Variants in DCP2 observed in about 807,000 individuals in gnomAD.
DCP2 encodes m7GpppN-mRNA hydrolase.
A neutral mutation model predicts 56.1 loss-of-function variants in DCP2; 30 were observed. The ratio of observed to expected loss-of-function variants is 0.53; its 90% CI spans 0.40 to 0.73. The LOEUF (loss-of-function observed/expected upper bound fraction) is 0.73, where lower values mean the gene tolerates loss of function less well. DCP2 is among the 30% of genes least tolerant of loss of function. DCP2 has a pLI of 0.00. For synonymous variants in DCP2, 197 were observed against 163.3 expected (o/e 1.21, Z -1.57); for missense variants, 533 against 502.7 (o/e 1.06, Z -0.58).
chr5:113,008,849 C>CT (rs201529934), intron 9 of DCP2, among the ~76,000 whole-genome samples: 41,813 of 147,314 alleles, frequency 0.28, 5,968 homozygotes, highest in South Asian at 0.33. Flanking sequence ...AGACAGATAA[C>CT]TTTTTTTTTT....
Position 112,987,166 on chromosome 5 carries a change from C to T in DCP2, c.205+1180C>T, listed in dbSNP as rs1009468000. ...AAATAATTGAGTAATTGCTAATGGT[C>T]CTGATAGTACATGTTTCTAGAATTT... is the stretch of plus-strand genomic sequence containing the variant. On this transcript the variant is annotated intron_variant, in intron 2 of 10. Coordinates refer to ENST00000389063, the MANE Select transcript of DCP2 (RefSeq NM_152624.6). Among the ~76,000 whole-genome samples, 5 of 151,986 alleles carry T rather than the reference C, an allele frequency of 3.3e-5. 1 individual carries two copies. Among genetic ancestry groups the T allele is most frequent in the Admixed American group, 3.3e-4 (5 of 15,264 alleles).
intron 10 of DCP2, among the ~76,000 whole-genome samples, chr5:113,011,100 G>C (rs1257560350): frequency 6.6e-6 from 1 of 152,142 alleles, no homozygotes; most frequent in Non-Finnish European, 1.5e-5. Flanking sequence ...TTTGGGGAGA[G>C]TAGAAAGAAT....
chr5:112,994,493 A>G (rs1392066623), intron 4 of DCP2, among the ~76,000 whole-genome samples: 1 of 152,078 alleles, frequency 6.6e-6, no homozygotes, highest in African/African-American at 2.4e-5. Flanking sequence ...TTAAAATTCT[A>G]TTTTAAAATC....
chr5:112,977,097 C>G, intron 1 of DCP2, 111 bp downstream of exon 1: 1 of 745,684 alleles, frequency 1.3e-6, no homozygotes, highest in Admixed American at 3.5e-5. Flanking sequence ...TCGCTTTCCG[C>G]TCCCGCCGCT....
At chr5:112,981,700 G>A (rs1403342480) in intron 1 of DCP2, among the ~76,000 whole-genome samples, 1 of 152,068 alleles carries the variant, frequency 6.6e-6, no homozygotes, top group African/African-American at 2.4e-5. Context: ...TCAAAATGAT[G>A]GTACCATTTA....
chr5:112,990,387 A>G (rs950987390), intron 2 of DCP2, among the ~76,000 whole-genome samples: 1 of 152,184 alleles, frequency 6.6e-6, no homozygotes, highest in Non-Finnish European at 1.5e-5. Flanking sequence ...ACGTGGATAC[A>G]GACAAGAGTA....
At chr5:112,984,691 A>ATATATATATATATATATAT (rs1561685051) in intron 1 of DCP2, 2 of 70,334 alleles carry the variant, frequency 2.8e-5, no homozygotes, top group African/African-American at 1.5e-4. Context: ...TTAATTAAAA[A>ATATATATATATATATATAT]AAAAAAAAAA....
At chr5:112,991,918 A>G (rs1160082378) in intron 2 of DCP2, among the ~76,000 whole-genome samples, 1 of 152,192 alleles carries the variant, frequency 6.6e-6, no homozygotes, top group African/African-American at 2.4e-5. Flanking sequence ...TAGAAAAAAC[A>G]AAAACACAGT....
intron 10 of DCP2, among the ~76,000 whole-genome samples, chr5:113,012,688 G>T (rs1749726741): frequency 6.6e-6 from 1 of 152,026 alleles, no homozygotes; most frequent in African/African-American, 2.4e-5. Context: ...GTGTCACCCA[G>T]ACTGGAGTGC....
chr5:112,992,154 G>C lies in DCP2; in HGVS notation c.239G>C (p.Gly80Ala). The C allele has an allele frequency of 6.2e-7, 1 of 1,613,956 alleles. No individual in the cohort carries two copies. The highest frequency in any genetic ancestry group is 1.1e-5 in the South Asian group (1 of 91,062). The change falls in exon 3 of 11, where the codon GGT becomes GCT. Residue 80 changes from glycine to alanine, a missense_variant. Physicochemically the swap from Gly to Ala is moderately conservative, Grantham distance 60. Around this residue, in one of 3 missense-constraint regions of DCP2, gnomAD observed 137 missense variants for 138.2 expected, o/e 0.99. Coordinates refer to ENST00000389063, the MANE Select transcript of DCP2 (RefSeq NM_152624.6). ...FSHCPFLLPQ[G>A]EDVEKVLDEW... The stretch of plus-strand genomic sequence containing the variant: ...CATTGTCCGTTTTTGCTGCCTCAAG[G>C]TGAAGATGTGGAAAAAGTTTTGGAT...
rs115425143 is a variant in DCP2, at chr5:113,003,506, G to C, written c.807-436G>C. ...TGAGAGGATGGCTCGAGCCTGAGAG[G>C]TTGAGGCCACGGTGAGCTGTGATCC... On this transcript the variant is annotated intron_variant, in intron 7 of 10. Coordinates refer to ENST00000389063, the MANE Select transcript of DCP2 (RefSeq NM_152624.6). Among the ~76,000 whole-genome samples, 1,041 of 152,206 alleles carry C rather than the reference G, an allele frequency of 6.8e-3. 9 individuals are homozygous for C. The highest frequency in any genetic ancestry group is 0.014 in the South Asian group (66 of 4,822).
At chr5:113,012,036 C>A (rs1749698485) in intron 10 of DCP2, among the ~76,000 whole-genome samples, 1 of 152,106 alleles carries the variant, frequency 6.6e-6, no homozygotes, top group Admixed American at 6.5e-5. Flanking sequence ...TTTTTTCTGG[C>A]CACCTTGGGT....
At position 113,013,496 on chromosome 5, in the gene DCP2, G is replaced by A. The variant is rs761551459; in HGVS notation, c.*12G>A. Reference sequence around the variant, plus strand: ...TCTTGGACCTTTGATAGCAGCACATGTATTGTAAATGTCCCAGGATCAGAG... The same window carrying A: ...TCTTGGACCTTTGATAGCAGCACATATATTGTAAATGTCCCAGGATCAGAG... On this transcript the variant is annotated 3_prime_UTR_variant, in exon 11 of 11. Coordinates refer to ENST00000389063, the MANE Select transcript of DCP2 (RefSeq NM_152624.6). 15 of 1,613,420 alleles carry A rather than the reference G, an allele frequency of 9.3e-6. No individual in the cohort carries two copies. The East Asian group carries it at 2.9e-4, about 31-fold the overall frequency.
At chr5:112,977,723 G>C (rs1747785324) in intron 1 of DCP2, among the ~76,000 whole-genome samples, 1 of 152,150 alleles carries the variant, frequency 6.6e-6, no homozygotes, top group African/African-American at 2.4e-5. Flanking sequence ...ATTTCAGATA[G>C]CCAAACACGT....
At chr5:112,978,683 T>TAAA (rs35646202) in intron 1 of DCP2, among the ~76,000 whole-genome samples, 1 of 136,654 alleles carries the variant, frequency 7.3e-6, no homozygotes, top group Non-Finnish European at 1.6e-5. Flanking sequence ...TTGTCCCAAA[T>TAAA]AAAAAAAAAA....
chr5:112,982,010 C>G (rs142858502), intron 1 of DCP2, among the ~76,000 whole-genome samples: 1 of 152,156 alleles, frequency 6.6e-6, no homozygotes, highest in African/African-American at 2.4e-5. Flanking sequence ...TCAGGTGATC[C>G]GCCTGCCATG....
Position 113,015,721 on chromosome 5 carries a change from C to A in DCP2, c.*2237C>A, listed in dbSNP as rs1749858797. On this transcript the variant is annotated 3_prime_UTR_variant, in exon 11 of 11. Transcript: ENST00000389063. ...ATGTGTGTGATGTGACTTAACTATGCAGAAAATATTTAAGTTGGATGTACT... is the reference window on the plus strand; with the variant it reads ...ATGTGTGTGATGTGACTTAACTATGAAGAAAATATTTAAGTTGGATGTACT... The A allele has an allele frequency of 6.6e-6, 1 of 152,592 alleles. No homozygotes were observed. Among genetic ancestry groups the A allele is most frequent in the Non-Finnish European group, 1.5e-5 (1 of 68,026 alleles). The allele number at this position is 152,592 out of a possible 1,614,324, so 9.5% of individuals were successfully genotyped here. A position where few individuals can be genotyped will look rare whatever the true frequency, so the allele number is the denominator to read the frequency against.
chr5:112,993,653 ACC>A (rs750095087), intron 4 of DCP2, among the ~76,000 whole-genome samples: 3 of 141,994 alleles, frequency 2.1e-5, no homozygotes, highest in Non-Finnish European at 4.6e-5. Context: ...AAAAAAAAAA[ACC>A]AAAATTTTTT....
At chr5:112,988,162 T>C (rs1245944332) in intron 2 of DCP2, among the ~76,000 whole-genome samples, 4 of 151,862 alleles carry the variant, frequency 2.6e-5, no homozygotes, top group African/African-American at 9.7e-5. Context: ...TGAGCAACGG[T>C]AAAGAATATT....
Sources: gnomAD v4.1 joint callset for allele counts (sites outside exome capture counted in the v4.1 genomes callset) on GRCh38, gnomAD v4.1.1 for gene constraint, gnomAD v4.1.1 regional missense constraint, MANE v1.5 for transcripts, NCBI Gene and HGNC (gene_info 2026-07-23, HGNC 2026-07-21) for gene names.